The following SAMD12 variants were observed in gnomAD, a reference collection of about 807,000 sequenced individuals.
The protein encoded by SAMD12 is sterile alpha motif domain-containing protein 12.
SAMD12 carries 9 observed loss-of-function variants against 15.0 expected under a neutral mutation model. The ratio of observed to expected loss-of-function variants is 0.60; its 90% confidence interval spans 0.36 to 1.05. The LOEUF is 1.05. SAMD12 is among the 50% of genes least tolerant of loss of function. The pLI is 0.01. For missense variants in SAMD12, 230 were observed against 234.2 expected (o/e 0.98, Z 0.12); for synonymous variants, 86 against 90.1 (o/e 0.96, Z 0.25).
intron 4 of SAMD12, among the ~76,000 whole-genome samples, chr8:118,343,772 A>G (rs1400336092): frequency 6.6e-6 from 1 of 152,144 alleles, no homozygotes; most frequent in Non-Finnish European, 1.5e-5. Flanking sequence ...AAATGCAAAC[A>G]GATCAGGCCG....
At chr8:118,441,617 T>G (rs367676282) in intron 2 of SAMD12, among the ~76,000 whole-genome samples, 3 of 152,234 alleles carry the variant, frequency 2.0e-5, no homozygotes, top group African/African-American at 7.2e-5. Context: ...TGTCCATATA[T>G]TCATATATGT....
rs968797149 is a variant in SAMD12 at position 118,240,024 on chromosome 8, G to A, written c.434-42292C>T. The A allele has an allele frequency of 2.0e-5, 3 of 152,102 alleles. No homozygotes were observed. The East Asian group carries it at 5.8e-4, about 29-fold the overall frequency. The allele number at this position is 152,102 out of a possible 1,614,324, so 9.4% of individuals were successfully genotyped here. On this transcript the variant is annotated intron_variant, in intron 4 of 4. Coordinates refer to the SAMD12 transcript ENST00000409003. ...ATTAATAATATTATCCAAAATTTGT[G>A]CAGCCTGCTTCAGCTTACCTCTCAC...
At chr8:118,356,111 T>G (rs1818212003) in intron 4 of SAMD12, among the ~76,000 whole-genome samples, 1 of 152,224 alleles carries the variant, frequency 6.6e-6, no homozygotes, top group Non-Finnish European at 1.5e-5. Context: ...AATAATTACT[T>G]TGCAAAAATA....
chr8:118,602,974 C>T (rs1827896260), intron 1 of SAMD12, among the ~76,000 whole-genome samples: 1 of 151,972 alleles, frequency 6.6e-6, no homozygotes, highest in Admixed American at 6.6e-5. Context: ...AAAATAGAAA[C>T]ATTACATCCA....
rs180876352 is a variant in SAMD12 at position 118,391,539 on chromosome 8, G to A, written c.323-11839C>T. Reference sequence around the variant, plus strand: ...GTGGTCATAACAACTAAACACATAAGGACAATGTTCACATGCCAAAGAGAA... The same window carrying A: ...GTGGTCATAACAACTAAACACATAAAGACAATGTTCACATGCCAAAGAGAA... On this transcript the variant is annotated intron_variant, in intron 3 of 3. Coordinates refer to ENST00000314727, the MANE Select transcript of SAMD12 (RefSeq NM_207506.3). 5.3e-5 allele frequency among the ~76,000 whole-genome samples: 8 copies of A among 152,240 alleles called. No homozygotes were observed. In the East Asian group the frequency reaches 1.5e-3, roughly 29 times the overall value.
At chr8:118,289,742 T>G (rs1289144474) in intron 4 of SAMD12, among the ~76,000 whole-genome samples, 1 of 152,198 alleles carries the variant, frequency 6.6e-6, no homozygotes, top group African/African-American at 2.4e-5. Flanking sequence ...CCAACTGCAT[T>G]CTCCCTAAAG....
chr8:118,172,052 C>A, the SAMD12 span, among the ~76,000 whole-genome samples: 1 of 151,822 alleles, frequency 6.6e-6, no homozygotes, highest in African/African-American at 2.4e-5. Flanking sequence ...GGGAAATGAA[C>A]AATGAGAATA....
intron 4 of SAMD12, among the ~76,000 whole-genome samples, chr8:118,350,586 A>C (rs1336342419): frequency 6.6e-6 from 1 of 152,210 alleles, no homozygotes; most frequent in Non-Finnish European, 1.5e-5. Flanking sequence ...ACAGAGCTTA[A>C]TTATTACTAA....
chr8:118,584,217 T>G (rs182099524), intron 1 of SAMD12, among the ~76,000 whole-genome samples: 308 of 152,248 alleles, frequency 2.0e-3, no homozygotes, highest in African/African-American at 6.3e-3. Flanking sequence ...TTGATTTAGG[T>G]TTTTGTACTT....
chr8:118,608,279 G>A (rs1399348729), intron 1 of SAMD12, among the ~76,000 whole-genome samples: 2 of 151,646 alleles, frequency 1.3e-5, no homozygotes, highest in Non-Finnish European at 2.9e-5. Flanking sequence ...CTTGCTGGCT[G>A]GTTGTGCATC....
chr8:118,607,239 C>CT (rs35374950), intron 1 of SAMD12, among the ~76,000 whole-genome samples: 33,465 of 149,562 alleles, frequency 0.22, 3,838 homozygotes, highest in Middle Eastern at 0.33. Context: ...CCCAAATGTC[C>CT]TTTTTTTTTT....
chr8:118,224,613 A>G (rs897813845), intron 4 of SAMD12, among the ~76,000 whole-genome samples: 2 of 152,228 alleles, frequency 1.3e-5, no homozygotes, highest in African/African-American at 4.8e-5. Flanking sequence ...ATTTACAAAA[A>G]TGAAAAAAAG....
intron 4 of SAMD12, among the ~76,000 whole-genome samples, chr8:118,302,037 T>G (rs1296116092): frequency 7.0e-6 from 1 of 142,714 alleles, no homozygotes; most frequent in Non-Finnish European, 1.5e-5. Flanking sequence ...TAGATTCAGG[T>G]AAAACTCTTC....
intron 3 of SAMD12, among the ~76,000 whole-genome samples, chr8:118,415,128 TG>T (rs1821615903): frequency 6.6e-6 from 1 of 152,174 alleles, no homozygotes; most frequent in Non-Finnish European, 1.5e-5. Flanking sequence ...ACATTTAGCC[TG>T]TGTGAAAGCT....
intron 4 of SAMD12, among the ~76,000 whole-genome samples, chr8:118,308,625 G>C (rs1815464118): frequency 1.3e-5 from 2 of 152,070 alleles, no homozygotes; most frequent in African/African-American, 4.8e-5. Context: ...TGAAAATAAA[G>C]ATGTCGAAAA....
chr8:118,236,146 T>C (rs185401086), intron 4 of SAMD12, among the ~76,000 whole-genome samples: 14 of 152,302 alleles, frequency 9.2e-5, no homozygotes, highest in Non-Finnish European at 1.6e-4. Context: ...TTCAGCCCTT[T>C]AACAGATTCT....
intron 2 of SAMD12, among the ~76,000 whole-genome samples, chr8:118,577,600 C>G (rs1827185283): frequency 6.6e-6 from 1 of 152,136 alleles, no homozygotes; most frequent in Non-Finnish European, 1.5e-5. Flanking sequence ...AGTGAGAAGT[C>G]TGCATATGAA....
At chr8:118,143,089 T>C in the SAMD12 span, among the ~76,000 whole-genome samples, 1 of 152,174 alleles carries the variant, frequency 6.6e-6, no homozygotes, top group African/African-American at 2.4e-5. Context: ...ACACAACTTT[T>C]TTTTTAAAGG....
rs532808661 is a variant in SAMD12 at position 118,596,740 on chromosome 8, C to T, written c.14-15847G>A. On this transcript the variant is annotated intron_variant, in intron 1 of 3. Transcript: ENST00000314727. The stretch of plus-strand genomic sequence containing the variant: ...TCTCTTTTTCCCTCCTGAATACCTT[C>T]GGTTTGCCAGGAACTTTGCCGGACA... 1.3e-4 allele frequency among the ~76,000 whole-genome samples: 20 copies of T among 152,308 alleles called. No individual in the cohort carries two copies. In the South Asian group the frequency reaches 2.9e-3, roughly 22 times the overall value.
Sources: allele counts gnomAD v4.1 joint callset (sites outside exome capture counted in the v4.1 genomes callset), GRCh38; gene constraint gnomAD v4.1.1; transcripts MANE v1.5; gene names NCBI Gene and HGNC (gene_info 2026-07-23, HGNC 2026-07-21).